The following EIF1AD variants were observed in gnomAD, a reference collection of about 807,000 sequenced individuals.
The protein encoded by EIF1AD is probable RNA-binding protein EIF1AD.
EIF1AD carries 9 observed loss-of-function variants against 21.7 expected under a neutral mutation model. The observed-to-expected ratio is 0.41, with a 90% CI of 0.25 to 0.72. The LOEUF (loss-of-function observed/expected upper bound fraction) is 0.72, where lower values mean the gene tolerates loss of function less well. Among genes scored for constraint, EIF1AD ranks in the 30% least tolerant of loss-of-function variants. The pLI, the probability that EIF1AD is intolerant of heterozygous loss-of-function variation, is 0.29. For missense variants in EIF1AD, 164 were observed against 199.7 expected (o/e 0.82, Z 1.08); for synonymous variants, 78 against 70.9 (o/e 1.10, Z -0.50).
chr11:66,001,573 G>T (rs185355314), intron 1 of EIF1AD, among the ~76,000 whole-genome samples: 19 of 151,980 alleles, frequency 1.3e-4, no homozygotes, highest in African/African-American at 4.3e-4. Flanking sequence ...AACCTCTCTG[G>T]AAGGAGTTTG....
At chr11:66,000,589 C>T in intron 1 of EIF1AD, 84 bp from the exon 2 acceptor site, 1 of 592,532 alleles carries the variant, frequency 1.7e-6, no homozygotes, top group Non-Finnish European at 3.0e-6. Context: ...TGGTTTATTT[C>T]CTAACTATTC....
Position 65,997,503 on chromosome 11 carries a change from A to AG in EIF1AD, c.*1095dup, listed in dbSNP as rs1273451358. 1 of 152,162 alleles carries AG rather than the reference A, an allele frequency of 6.6e-6. No individual in the cohort carries two copies. Among genetic ancestry groups the AG allele is most frequent in the Non-Finnish European group, 1.5e-5 (1 of 68,036 alleles). 9.4% of individuals were successfully genotyped at this position (152,162 alleles called of 1,614,324 possible). On this transcript the variant is annotated 3_prime_UTR_variant, in exon 6 of 6. Transcript: ENST00000533544. ...GGCATGTGTTGTGGTAACTACCACA[A>AG]GGGGGAATTGATAGATAAGACAGAA... is the stretch of plus-strand genomic sequence containing the variant.
intron 4 of EIF1AD, 53 bp from the exon 5 acceptor site, chr11:65,999,450 A>T: frequency 1.2e-6 from 2 of 1,613,948 alleles, no homozygotes; most frequent in Non-Finnish European, 1.7e-6. Context: ...TTCTCACAAA[A>T]GAGCTGCTTC....
chr11:65,999,332 C>A lies in EIF1AD; in HGVS notation c.353+18G>T. The A allele has an allele frequency of 1.2e-6, 2 of 1,614,244 alleles. No homozygotes were observed. The highest frequency in any genetic ancestry group is 1.7e-6 in the Non-Finnish European group (2 of 1,180,034). ...CCCCTTATTTTCCATGTACCCCACC[C>A]CAAGGCTTGTTCCTCACCTGTTCCT... On this transcript the variant is annotated intron_variant, in intron 5 of 5. Coordinates refer to ENST00000533544, the MANE Select transcript of EIF1AD (RefSeq NM_001242481.2).
chr11:65,998,506 G>A lies in EIF1AD; in HGVS notation c.*93C>T. 1 of 1,473,998 alleles carries A rather than the reference G, an allele frequency of 6.8e-7. No individual in the cohort carries two copies. Among genetic ancestry groups the A allele is most frequent in the East Asian group, 2.3e-5 (1 of 43,934 alleles). The allele number at this position is 1,473,998 out of a possible 1,614,324, so 91.3% of individuals were successfully genotyped here. ...AGGAGCCCTGCTTTGTCCTCATGCA[G>A]GGGTGAAGATGTGCAGAGCACCCTG... On this transcript the variant is annotated 3_prime_UTR_variant, in exon 6 of 6. Transcript: ENST00000533544.
chr11:66,001,620 C>T, intron 1 of EIF1AD, among the ~76,000 whole-genome samples: 1 of 152,108 alleles, frequency 6.6e-6, no homozygotes. Flanking sequence ...CTTGTACACC[C>T]CAAGTCTAGC....
chr11:66,001,457 G>A (rs1208468013), intron 1 of EIF1AD, among the ~76,000 whole-genome samples: 4 of 116,366 alleles, frequency 3.4e-5, no homozygotes, highest in Non-Finnish European at 6.7e-5. Flanking sequence ...GGGCGACAGA[G>A]CAAGACTCCG....
chr11:66,001,745 G>A (rs546182843), intron 1 of EIF1AD, among the ~76,000 whole-genome samples, 165 bp downstream of exon 1: 3 of 152,288 alleles, frequency 2.0e-5, no homozygotes, highest in South Asian at 2.1e-4. Context: ...GAGGTGAGCA[G>A]GCTTGTCTGC....
At chr11:66,000,574 T>C in intron 1 of EIF1AD, 69 bp from the exon 2 acceptor site, 1 of 608,384 alleles carries the variant, frequency 1.6e-6, no homozygotes, top group Non-Finnish European at 2.9e-6. Context: ...ATTCAAATCC[T>C]ACCTTGGTTT....
chr11:65,999,409 G>C lies in EIF1AD; in HGVS notation c.306-12C>G. 1.2e-6 allele frequency: 2 copies of C among 1,614,240 alleles called. No individual in the cohort carries two copies. Among genetic ancestry groups the C allele is most frequent in the Non-Finnish European group, 1.7e-6 (2 of 1,180,050 alleles). ...AGAAGGCCTCAGGCCTATGCCAAGA[G>C]ATGAGCCAAAGTCAGAAAGGACAAA... On this transcript the variant is annotated splice_polypyrimidine_tract_variant and intron_variant, in intron 4 of 5. Transcript: ENST00000533544.
chr11:66,000,099 C>T lies in EIF1AD; in HGVS notation c.150G>A (p.Leu50=), dbSNP rs752450145. ...TGCGGTATTTGGAGGGCATGCTCACCAGGAAGCGCTGCCCTTGGGCTGTCT... is the reference window on the plus strand; with the variant it reads ...TGCGGTATTTGGAGGGCATGCTCACTAGGAAGCGCTGCCCTTGGGCTGTCT... ...EVETAQGQRF[L]VSMPSKYRKN... The change falls in exon 3 of 6, where the codon CTG becomes CTA. Residue 50 remains leucine (L), a synonymous_variant. Coordinates refer to ENST00000533544, the MANE Select transcript of EIF1AD (RefSeq NM_001242481.2). 10 of 1,614,186 alleles carry T rather than the reference C, an allele frequency of 6.2e-6. No homozygotes were observed. The highest frequency in any genetic ancestry group is 8.5e-6 in the Non-Finnish European group (10 of 1,180,024).
chr11:65,999,287 T>C lies in EIF1AD; in HGVS notation c.353+63A>G, dbSNP rs1442151347. On this transcript the variant is annotated intron_variant, in intron 5 of 5. Coordinates refer to ENST00000533544, the MANE Select transcript of EIF1AD (RefSeq NM_001242481.2). ...GAGGAAAGAAGGCTCTATTTTTCCC[T>C]CAAGGCACCAAAGCATGAACCCCTT... is the stretch of plus-strand genomic sequence containing the variant. 7 of 1,609,662 alleles carry C rather than the reference T, an allele frequency of 4.3e-6. No homozygotes were observed. In the African/African-American group the frequency reaches 6.7e-5, roughly 15 times the overall value.
chr11:65,998,880 G>A lies in EIF1AD; in HGVS notation c.354-137C>T. On this transcript the variant is annotated intron_variant, in intron 5 of 5. Coordinates refer to ENST00000533544, the MANE Select transcript of EIF1AD (RefSeq NM_001242481.2). ...GCACCCTTTAAAGACTCAAACAAGG[G>A]ACACAGGAGAGCAAACAGTGGGGAA... 1.6e-5 allele frequency: 15 copies of A among 953,482 alleles called. 1 individual carries two copies. In the South Asian group the frequency reaches 2.3e-4, roughly 14 times the overall value. The allele number at this position is 953,482 out of a possible 1,614,324, so 59.1% of individuals were successfully genotyped here.
intron 5 of EIF1AD, 29 bp from the exon 6 acceptor site, chr11:65,998,772 C>G: frequency 6.2e-7 from 1 of 1,601,054 alleles, no homozygotes; most frequent in Non-Finnish European, 8.5e-7. Context: ...GCAGGGTTAG[C>G]CCAGCGCCTT....
At chr11:66,001,618 C>T (rs1431009967) in intron 1 of EIF1AD, among the ~76,000 whole-genome samples, 5 of 152,096 alleles carry the variant, frequency 3.3e-5, no homozygotes, top group Non-Finnish European at 7.4e-5. Flanking sequence ...CGCTTGTACA[C>T]CCCAAGTCTA....
rs1855904895 is a variant in EIF1AD, at chr11:66,000,487, G to A, written c.-98C>T. 1.6e-6 allele frequency: 2 copies of A among 1,226,736 alleles called. No homozygotes were observed. The highest frequency in any genetic ancestry group is 1.5e-5 in the African/African-American group (1 of 66,580). The allele number at this position is 1,226,736 out of a possible 1,614,324, so 76.0% of individuals were successfully genotyped here. On this transcript the variant is annotated 5_prime_UTR_variant, in exon 2 of 6. Transcript: ENST00000533544. ...GCTCAGAACCCAGGACTGTTCTGAA[G>A]ATGGGGAGGGGCCTTTTACTGAGGG...
At chr11:66,000,541 G>A (rs902950743) in intron 1 of EIF1AD, 36 bp from the exon 2 acceptor site, 12 of 687,572 alleles carry the variant, frequency 1.7e-5, no homozygotes, top group Non-Finnish European at 2.7e-5. Context: ...TAAGAACATG[G>A]GTTCTGAAGT....
intron 5 of EIF1AD, among the ~76,000 whole-genome samples, chr11:65,999,024 T>C (rs961030756): frequency 6.6e-6 from 1 of 152,198 alleles, no homozygotes; most frequent in African/African-American, 2.4e-5. Flanking sequence ...TGGACCCATA[T>C]CACATAACAG....
In EIF1AD at chr11:65,998,693, G is replaced by C. The variant is rs777435153; in HGVS notation, c.404C>G (p.Ser135Cys). 2 of 1,614,014 alleles carry C rather than the reference G, an allele frequency of 1.2e-6. No homozygotes were observed. The highest frequency in any genetic ancestry group is 2.7e-5 in the African/African-American group (2 of 74,906). Residue 135 changes from serine to cysteine, a missense_variant, in exon 6 of 6, where the codon TCC becomes TGC. Ser to Cys is a moderately radical substitution (Grantham distance 112). Transcript: ENST00000533544. ...PAEPQLSGEE[S>C]SSEDDSDLFV... ...CAGGTCAGAATCATCTTCTGAGCTG[G>C]ACTCCTCTCCTGATAACTGTGGCTC...
Sources: allele counts gnomAD v4.1 joint callset (sites outside exome capture counted in the v4.1 genomes callset), GRCh38; gene constraint gnomAD v4.1.1; transcripts MANE v1.5; gene names NCBI Gene and HGNC (gene_info 2026-07-23, HGNC 2026-07-21).